DDX3X: variants seen among roughly 807,000 people sequenced by gnomAD.
DDX3X encodes ATP-dependent RNA helicase DDX3X.
Under a neutral mutation model 52.7 loss-of-function variants are expected in DDX3X, and 4 were observed. That is an observed-to-expected ratio of 0.08 (90% CI 0.04 to 0.17). DDX3X has a LOEUF of 0.17. DDX3X is among the 10% of genes least tolerant of loss of function. The pLI is 1.00. For missense variants in DDX3X, 222 were observed against 548.6 expected, an observed-to-expected ratio of 0.40 and a Z score of 5.95; for synonymous variants, 192 against 178.1, an observed-to-expected ratio of 1.08 and a Z score of -0.62.
At position 41,346,308 on chromosome X, in the gene DDX3X, A is replaced by G. The variant is rs1174082636; in HGVS notation, c.1395A>G (p.Gly465=). 8.3e-7 allele frequency: 1 copy of G among 1,210,095 alleles called. No homozygotes were observed. Among genetic ancestry groups the G allele is most frequent in the East Asian group, 3.0e-5 (1 of 33,844 alleles). ...TGGAGGATTTCTTATACCATGAAGG[A>G]TACGCATGTACCAGCATCCATGGAG... The part of the protein sequence containing the change: ...DSLEDFLYHE[G]YACTSIHGDR... The change falls in exon 13 of 17, where the codon GGA becomes GGG. Residue 465 remains glycine (G), a synonymous_variant. Coordinates refer to ENST00000644876, the MANE Select transcript of DDX3X (RefSeq NM_001356.5).
At chrX:41,334,363 A>T (rs1267085733) in intron 1 of DDX3X, 66 bp downstream of exon 1, 2 of 1,177,348 alleles carry the variant, frequency 1.7e-6, no homozygotes, top group African/African-American at 3.5e-5. Flanking sequence ...AACCTGGCTA[A>T]TGGCGCAGCG....
chrX:41,360,100 G>A (rs896400165), intron 5 of DDX3X, among the ~76,000 whole-genome samples: 7 of 109,435 alleles, frequency 6.4e-5, no homozygotes, highest in African/African-American at 2.3e-4. Flanking sequence ...ATTTCCGGCT[G>A]GGCATGGTGG....
intron 8 of DDX3X, 100 bp downstream of exon 8, chrX:41,343,922 G>A: frequency 3.0e-6 from 3 of 997,198 alleles, no homozygotes; most frequent in Non-Finnish European, 4.1e-6. Context: ...ATGAAAACCA[G>A]TTTTCAAGTG....
At position 41,349,435 on chromosome X, in the gene DDX3X, TGGGAATGATAG is replaced by T. The variant is rs2063963958; in HGVS notation, c.*1717_*1727del. ...AGATTCTAAAATTTATTTGGGACCA[TGGGAATGATAG>T]TTGGGAAGAAAACTATTTGCACACG... On this transcript the variant is annotated 3_prime_UTR_variant, in exon 17 of 17. Coordinates refer to ENST00000644876, the MANE Select transcript of DDX3X (RefSeq NM_001356.5). 1 of 112,058 alleles carries T rather than the reference TGGGAATGATAG, an allele frequency of 8.9e-6. No homozygotes were observed. Among genetic ancestry groups the T allele is most frequent in the Non-Finnish European group, 1.9e-5 (1 of 53,242 alleles). The allele number at this position is 112,058 out of a possible 1,213,427, so 9.2% of individuals were successfully genotyped here.
Position 41,339,062 on chromosome X carries a change from AG to A in DDX3X, c.132del (p.Asn45ThrfsTer176). On this transcript the variant is annotated frameshift_variant, in exon 3 of 17. Transcript: ENST00000644876. LOFTEE classifies it high-confidence loss of function. ...AGGGCGCTATATTCCTCCTCATTTA[AG>A]GAACCGAGAAGCTACTAAAGGTAGG... ...SKGRYIPPHLRNREATKGFYD... is the reference protein window; with the variant it reads ...SKGRYIPPHLXNREATKGFYD... The A allele has an allele frequency of 9.2e-7, 1 of 1,090,600 alleles. No homozygotes were observed. Among genetic ancestry groups the A allele is most frequent in the Non-Finnish European group, 1.2e-6 (1 of 825,263 alleles). The allele number at this position is 1,090,600 out of a possible 1,213,427, so 89.9% of individuals were successfully genotyped here. A position where few individuals can be genotyped will look rare whatever the true frequency, so the allele number is the denominator to read the frequency against.
intron 9 of DDX3X, 22 bp from the exon 10 acceptor site, chrX:41,344,217 A>G (rs2063891277): frequency 2.5e-6 from 3 of 1,201,314 alleles, no homozygotes; most frequent in African/African-American, 1.8e-5. Context: ...CTTGAAGTTC[A>G]TAACATTTTT....
At chrX:41,342,090 G>A (rs1234893905) in intron 4 of DDX3X, 1 of 155,464 alleles carries the variant, frequency 6.4e-6, no homozygotes, top group Non-Finnish European at 1.2e-5. Flanking sequence ...TGTCACACAG[G>A]TGAATTGTCC....
chrX:41,343,368 A>G lies in DDX3X; in HGVS notation c.679+17A>G. 1.7e-6 allele frequency: 2 copies of G among 1,170,386 alleles called. No individual in the cohort carries two copies. Among genetic ancestry groups the G allele is most frequent in the Non-Finnish European group, 2.3e-6 (2 of 877,660 alleles). The stretch of plus-strand genomic sequence containing the variant: ...CCCAAACAGGTAAGCTCAACTCATA[A>G]GAGTAAAACATCATATTTCTTCTGT... On this transcript the variant is annotated intron_variant, in intron 7 of 16. Coordinates refer to ENST00000644876, the MANE Select transcript of DDX3X (RefSeq NM_001356.5).
chrX:41,349,802 A>G lies in DDX3X; in HGVS notation c.*2083A>G, dbSNP rs1191839083. The stretch of plus-strand genomic sequence containing the variant: ...GAAATTAAATCATGCCAAGGTTTTG[A>G]TACACTTGTCTTAAGATATTAATGA... On this transcript the variant is annotated 3_prime_UTR_variant, in exon 17 of 17. Coordinates refer to ENST00000644876, the MANE Select transcript of DDX3X (RefSeq NM_001356.5). 9.0e-6 allele frequency: 1 copy of G among 111,690 alleles called. No individual in the cohort carries two copies. The highest frequency in any genetic ancestry group is 3.3e-5 in the African/African-American group (1 of 30,687). 9.2% of individuals were successfully genotyped at this position (111,690 alleles called of 1,213,427 possible).
At chrX:41,334,444 G>A (rs1033433116) in intron 1 of DDX3X, 147 bp downstream of exon 1, 37 of 1,119,512 alleles carry the variant, frequency 3.3e-5, no homozygotes, top group Non-Finnish European at 4.4e-5. Context: ...CGGGGCTATA[G>A]AGGGATAGGA....
At chrX:41,347,478 T>C (rs1308060547) in intron 16 of DDX3X, 27 bp downstream of exon 16, 2 of 1,196,842 alleles carry the variant, frequency 1.7e-6, no homozygotes. Flanking sequence ...ACTTCATAGC[T>C]TTGGGAAGGG....
rs2063812655 is a variant in DDX3X, at chrX:41,339,165, G to C, written c.151+82G>C. 7 of 484,963 alleles carry C rather than the reference G, an allele frequency of 1.4e-5. No individual in the cohort carries two copies. In the South Asian group the frequency reaches 3.7e-4, roughly 25 times the overall value. The allele number at this position is 484,963 out of a possible 1,213,427, so 40.0% of individuals were successfully genotyped here. A position where few individuals can be genotyped will look rare whatever the true frequency, so the allele number is the denominator to read the frequency against. ...AAAGCCTAAGGAAAACCAGGCATTT[G>C]GGGGAGGTCTAAACATGGTGTTGTT... On this transcript the variant is annotated intron_variant, in intron 3 of 16. Transcript: ENST00000644876.
chrX:41,358,064 T>TA, intron 5 of DDX3X: 2 of 101,289 alleles, frequency 2.0e-5, no homozygotes, highest in Non-Finnish European at 1.8e-5. Context: ...AGATAGACAC[T>TA]CTTTTTTTTT....
Position 41,344,681 on chromosome X carries a change from G to T in DDX3X, c.1025+282G>T, listed in dbSNP as rs753237309. The T allele has an allele frequency of 5.2e-5, 17 of 330,076 alleles. No homozygotes were observed. The East Asian group carries it at 7.5e-4, about 15-fold the overall frequency. The allele number at this position is 330,076 out of a possible 1,213,427, so 27.2% of individuals were successfully genotyped here. On this transcript the variant is annotated intron_variant, in intron 10 of 16. Transcript: ENST00000644876. ...TCGAACTCCTGACCTCAGGTGATCC[G>T]CCTGCCTTGGCCTCCCAAAGTGCTG...
intron 3 of DDX3X, chrX:41,340,967 C>T: frequency 3.6e-6 from 1 of 275,250 alleles, no homozygotes; most frequent in Non-Finnish European, 6.4e-6. Context: ...TGTCAGATTG[C>T]TTGATTTAGT....
intron 10 of DDX3X, 98 bp from the exon 11 acceptor site, chrX:41,345,082 A>G: frequency 5.9e-6 from 5 of 840,732 alleles, no homozygotes; most frequent in Non-Finnish European, 6.9e-6. Flanking sequence ...AATAACCTAT[A>G]CAATTGTATT....
intron 7 of DDX3X, 62 bp from the exon 8 acceptor site, chrX:41,343,675 T>A: frequency 9.9e-7 from 1 of 1,011,121 alleles, no homozygotes; most frequent in South Asian, 2.0e-5. Context: ...TAAAAAACAC[T>A]GTCATCTACC....
At chrX:41,335,080 G>T (rs1367123126) in intron 1 of DDX3X, 1 of 106,226 alleles carries the variant, frequency 9.4e-6, no homozygotes, top group African/African-American at 3.5e-5. Context: ...AGGGGTGGGG[G>T]CGGGGAGGGG....
chrX:41,343,582 C>T (rs1480794890), intron 7 of DDX3X, 155 bp from the exon 8 acceptor site: 3 of 544,424 alleles, frequency 5.5e-6, no homozygotes, highest in African/African-American at 4.7e-5. Flanking sequence ...TTTGCTGACT[C>T]CTCTTAGAGG....
Sources: allele counts gnomAD v4.1 joint callset (sites outside exome capture counted in the v4.1 genomes callset), GRCh38; gene constraint gnomAD v4.1.1; transcripts MANE v1.5; gene names NCBI Gene and HGNC (gene_info 2026-07-23, HGNC 2026-07-21).